Variants in DNAH11 observed in about 807,000 individuals in gnomAD.
The protein encoded by DNAH11 is dynein axonemal heavy chain 11.
In DNAH11, 442 loss-of-function variants were observed where a neutral mutation model predicts 526.0. That is an observed-to-expected ratio of 0.84 (90% confidence interval 0.78 to 0.91). The LOEUF (loss-of-function observed/expected upper bound fraction) is 0.91. Ranked by LOEUF, DNAH11 falls within the 40% of genes least tolerant of loss-of-function variation. DNAH11 has a pLI of 0.00. For synonymous variants in DNAH11, 2,461 were observed against 1,935.9 expected, an observed-to-expected ratio of 1.27 and a Z score of -7.12; for missense variants, 6,989 against 5,448.7, an observed-to-expected ratio of 1.28 and a Z score of -8.90.
chr7:21,719,713 T>A (rs1784803059), intron 43 of DNAH11, among the ~76,000 whole-genome samples: 1 of 152,174 alleles, frequency 6.6e-6, no homozygotes, highest in Non-Finnish European at 1.5e-5. Flanking sequence ...GCTCAATAAT[T>A]TAAATGAAAA....
chr7:21,575,097 A>C (rs1360737102), intron 8 of DNAH11, among the ~76,000 whole-genome samples: 2 of 151,734 alleles, frequency 1.3e-5, no homozygotes, highest in Non-Finnish European at 2.9e-5. Flanking sequence ...GGCTGGTCTT[A>C]AACTCCTGGC....
At chr7:21,816,042 TG>T (rs571530965) in intron 63 of DNAH11, among the ~76,000 whole-genome samples, 162 of 152,180 alleles carry the variant, frequency 1.1e-3, no homozygotes, top group African/African-American at 3.7e-3. Flanking sequence ...TTTGTAGCAC[TG>T]GTCTGTAGAA....
chr7:21,576,441 A>G (rs1784096526), intron 8 of DNAH11, among the ~76,000 whole-genome samples: 1 of 152,214 alleles, frequency 6.6e-6, no homozygotes, highest in Non-Finnish European at 1.5e-5. Context: ...ATCCCAGAAG[A>G]TCTTAATACT....
chr7:21,586,909 C>T (rs1052454659), intron 9 of DNAH11, among the ~76,000 whole-genome samples: 2 of 152,134 alleles, frequency 1.3e-5, no homozygotes, highest in Non-Finnish European at 2.9e-5. Flanking sequence ...AGCACAAACC[C>T]GAATGCTAGA....
At chr7:21,710,496 A>G (rs1784418943) in intron 40 of DNAH11, 57 bp from the exon 41 acceptor site, 2 of 1,465,982 alleles carry the variant, frequency 1.4e-6, no homozygotes, top group Non-Finnish European at 1.8e-6. Context: ...AGCTTCCAAG[A>G]TGAATAATAT....
At chr7:21,733,049 G>A (rs1583639778) in intron 45 of DNAH11, among the ~76,000 whole-genome samples, 2 of 152,250 alleles carry the variant, frequency 1.3e-5, no homozygotes, top group East Asian at 1.9e-4. Context: ...CTATGTGGGG[G>A]AGGGGTGGGG....
intron 68 of DNAH11, among the ~76,000 whole-genome samples, chr7:21,861,270 T>G (rs180915840): frequency 1.2e-4 from 18 of 152,376 alleles, no homozygotes; most frequent in Non-Finnish European, 1.2e-4. Context: ...TGGGAGCTAT[T>G]TGTGTTAGTA....
At chr7:21,839,974 AATAGTCTTTACAC>A (rs1424434881) in intron 65 of DNAH11, among the ~76,000 whole-genome samples, 2 of 152,262 alleles carry the variant, frequency 1.3e-5, no homozygotes, top group African/African-American at 4.8e-5. Flanking sequence ...TTAATTTTTA[AATAGTCTTTACAC>A]ATTAAAACCA....
At chr7:21,712,563 C>G (rs965119230) in intron 42 of DNAH11, among the ~76,000 whole-genome samples, 1 of 152,190 alleles carries the variant, frequency 6.6e-6, no homozygotes, top group Non-Finnish European at 1.5e-5. Flanking sequence ...CTAACAGTAG[C>G]CATGCTAATG....
intron 77 of DNAH11, among the ~76,000 whole-genome samples, chr7:21,893,646 C>T (rs749184524): frequency 6.6e-5 from 10 of 152,138 alleles, no homozygotes; most frequent in Non-Finnish European, 1.2e-4. Flanking sequence ...TTTTCCAGCT[C>T]GGTGGAGCTG....
At chr7:21,673,851 C>A (rs957057398) in intron 30 of DNAH11, among the ~76,000 whole-genome samples, 9 of 152,030 alleles carry the variant, frequency 5.9e-5, no homozygotes, top group Admixed American at 3.3e-4. Flanking sequence ...TTTCTGTTTT[C>A]TTTAACTTAG....
chr7:21,622,940 A>G (rs1402771055), intron 25 of DNAH11, among the ~76,000 whole-genome samples: 1 of 152,176 alleles, frequency 6.6e-6, no homozygotes, highest in Admixed American at 6.5e-5. Flanking sequence ...ACCAAAAGCA[A>G]TGGCAACAAA....
chr7:21,656,911 T>C (rs969209121), intron 29 of DNAH11, among the ~76,000 whole-genome samples: 1 of 152,188 alleles, frequency 6.6e-6, no homozygotes, highest in African/African-American at 2.4e-5. Context: ...TTATAATGAT[T>C]AGAAAAAGTT....
At chr7:21,790,428 C>T (rs184361099) in intron 61 of DNAH11, among the ~76,000 whole-genome samples, 135 of 152,132 alleles carry the variant, frequency 8.9e-4, no homozygotes, top group South Asian at 3.3e-3. Flanking sequence ...CCAGCCTGGG[C>T]GACAGAGCAA....
intron 18 of DNAH11, 54 bp from the exon 19 acceptor site, chr7:21,606,372 T>A: frequency 7.5e-7 from 1 of 1,336,088 alleles, no homozygotes; most frequent in East Asian, 2.4e-5. Flanking sequence ...TCCTATAGGG[T>A]TGATTTGTTT....
chr7:21,784,889 G>A (rs906571594), intron 58 of DNAH11, among the ~76,000 whole-genome samples: 2 of 152,120 alleles, frequency 1.3e-5, no homozygotes, highest in Admixed American at 6.6e-5. Flanking sequence ...AGAACTAGGC[G>A]AAGGATTCTT....
chr7:21,789,412 C>A (rs1010586538), intron 61 of DNAH11, 70 bp downstream of exon 61: 24 of 981,624 alleles, frequency 2.4e-5, no homozygotes, highest in Middle Eastern at 2.1e-4. Flanking sequence ...GGATTCCACC[C>A]TCAGACAGCA....
At chr7:21,793,357 C>A (rs565393762) in intron 61 of DNAH11, among the ~76,000 whole-genome samples, 1 of 152,202 alleles carries the variant, frequency 6.6e-6, no homozygotes, top group Non-Finnish European at 1.5e-5. Flanking sequence ...GTGGCTCACG[C>A]CTATAATCCC....
intron 65 of DNAH11, among the ~76,000 whole-genome samples, chr7:21,832,328 T>C (rs796444842): frequency 6.6e-6 from 1 of 152,208 alleles, no homozygotes; most frequent in African/African-American, 2.4e-5. Flanking sequence ...GTTGTTCCTT[T>C]CCATGTTTAG....
Sources: gnomAD v4.1 joint callset for allele counts (sites outside exome capture counted in the v4.1 genomes callset) on GRCh38, gnomAD v4.1.1 for gene constraint, MANE v1.5 for transcripts, NCBI Gene and HGNC (gene_info 2026-07-23, HGNC 2026-07-21) for gene names.